QRICH1: variants seen among roughly 807,000 people sequenced by gnomAD.
QRICH1 encodes the protein glutamine rich 1.
Under a neutral mutation model 87.1 loss-of-function variants are expected in QRICH1, and 16 were observed. The ratio of observed to expected loss-of-function variants is 0.18; its 90% CI spans 0.12 to 0.28. QRICH1 has a LOEUF of 0.28. Ranked by LOEUF, QRICH1 falls within the 10% of genes least tolerant of loss-of-function variation. The pLI is 1.00. For missense variants in QRICH1, 647 were observed against 951.7 expected (o/e 0.68, Z 4.21); for synonymous variants, 367 against 368.4 (o/e 1.00, Z 0.05).
At chr3:49,035,504 C>T (rs934154755) in intron 6 of QRICH1, among the ~76,000 whole-genome samples, 1 of 152,116 alleles carries the variant, frequency 6.6e-6, no homozygotes, top group Non-Finnish European at 1.5e-5. Context: ...CTCTTCTCTA[C>T]AATTTGTAAT....
chr3:49,072,087 T>C (rs2041843892), intron 2 of QRICH1, among the ~76,000 whole-genome samples: 1 of 152,034 alleles, frequency 6.6e-6, no homozygotes, highest in Non-Finnish European at 1.5e-5. Flanking sequence ...TCCCAGCACT[T>C]TGGGAGGCCG....
intron 1 of QRICH1, among the ~76,000 whole-genome samples, chr3:49,085,209 T>C (rs2042146117): frequency 6.6e-6 from 1 of 152,106 alleles, no homozygotes; most frequent in Non-Finnish European, 1.5e-5. Flanking sequence ...CACATAATTC[T>C]GGCTGATCAT....
intron 9 of QRICH1, among the ~76,000 whole-genome samples, chr3:49,031,392 G>A (rs1394157437): frequency 6.6e-6 from 1 of 152,040 alleles, no homozygotes; most frequent in African/African-American, 2.4e-5. Context: ...TAAGTACTTG[G>A]CATGCTGTAT....
At chr3:49,071,634 G>A (rs150340310) in intron 2 of QRICH1, among the ~76,000 whole-genome samples, 468 of 152,278 alleles carry the variant, frequency 3.1e-3, no homozygotes, top group African/African-American at 0.01. Context: ...GCGTGGTAAG[G>A]AAGAGGAGGT....
intron 3 of QRICH1, among the ~76,000 whole-genome samples, chr3:49,050,279 C>T (rs546673362): frequency 5.2e-5 from 6 of 116,036 alleles, no homozygotes; most frequent in South Asian, 2.7e-4. Context: ...AAAAATTAGC[C>T]GGGTGTGGTA....
intron 2 of QRICH1, chr3:49,058,107 G>C (rs2093413787): frequency 1.3e-6 from 1 of 776,170 alleles, no homozygotes. Context: ...ACCCCAGAGA[G>C]CAAGCAAGAC....
intron 3 of QRICH1, among the ~76,000 whole-genome samples, chr3:49,049,929 G>A (rs1038694782): frequency 1.3e-5 from 2 of 151,956 alleles, no homozygotes; most frequent in Admixed American, 6.6e-5. Flanking sequence ...TGAGCTGGGC[G>A]CGGTGGCTCA....
chr3:49,092,362 C>A (rs560827347), intron 1 of QRICH1: 1 of 152,106 alleles, frequency 6.6e-6, no homozygotes, highest in African/African-American at 2.4e-5. Flanking sequence ...AAACTGTGCA[C>A]AGATACTTCC....
chr3:49,070,780 G>A (rs889946500), intron 2 of QRICH1, among the ~76,000 whole-genome samples: 1 of 152,118 alleles, frequency 6.6e-6, no homozygotes, highest in African/African-American at 2.4e-5. Context: ...TAGTCACTTA[G>A]GGAAAACATA....
intron 6 of QRICH1, among the ~76,000 whole-genome samples, chr3:49,042,734 G>A (rs984565143): frequency 7.2e-5 from 11 of 151,820 alleles, no homozygotes; most frequent in African/African-American, 2.7e-4. Flanking sequence ...CAACACACCT[G>A]GCTAATTTTT....
chr3:49,047,827 T>G (rs998837403), intron 3 of QRICH1, among the ~76,000 whole-genome samples: 1 of 151,794 alleles, frequency 6.6e-6, no homozygotes, highest in African/African-American at 2.4e-5. Context: ...TACCCCAGAA[T>G]CTCTCTGAGG....
chr3:49,049,221 T>C (rs1253394030), intron 3 of QRICH1, among the ~76,000 whole-genome samples: 1 of 151,538 alleles, frequency 6.6e-6, no homozygotes, highest in African/African-American at 2.4e-5. Flanking sequence ...GTGATTTTAA[T>C]GTCCAGCCAC....
chr3:49,084,224 G>C (rs1173908000), intron 1 of QRICH1, among the ~76,000 whole-genome samples: 1 of 152,022 alleles, frequency 6.6e-6, no homozygotes, highest in East Asian at 1.9e-4. Flanking sequence ...GGGATTACAG[G>C]CATGAGCAAC....
chr3:49,054,541 C>T (rs1312392163), intron 3 of QRICH1, among the ~76,000 whole-genome samples: 1 of 150,014 alleles, frequency 6.7e-6, no homozygotes, highest in Non-Finnish European at 1.5e-5. Context: ...GGGCATGTCC[C>T]TTCTGTCCAT....
intron 3 of QRICH1, among the ~76,000 whole-genome samples, chr3:49,056,342 G>T (rs1307020548): frequency 6.6e-6 from 1 of 152,160 alleles, no homozygotes; most frequent in Admixed American, 6.6e-5. Context: ...TCCCAATGGT[G>T]ATCACTTTTA....
chr3:49,047,835 A>T (rs1464776866), intron 3 of QRICH1, among the ~76,000 whole-genome samples: 2 of 152,022 alleles, frequency 1.3e-5, no homozygotes, highest in Non-Finnish European at 2.9e-5. Flanking sequence ...AATCTCTCTG[A>T]GGGGGAGCCA....
In QRICH1 at chr3:49,057,567, G is replaced by T; in HGVS notation, c.633C>A (p.Ile211=). The T allele has an allele frequency of 6.2e-7, 1 of 1,613,558 alleles. No individual in the cohort carries two copies. Among genetic ancestry groups the T allele is most frequent in the Non-Finnish European group, 8.5e-7 (1 of 1,179,600 alleles). The stretch of plus-strand genomic sequence containing the variant: ...AAAGGGCACCCACGGTCTGGATTTG[G>T]ATCTGCTGACCACCAGCAAGAGACT... The part of the protein sequence containing the change: ...AGQSLAGGQQ[I]QIQTVGALSP... Residue 211 remains isoleucine (I), a synonymous_variant, in exon 3 of 10, where the codon ATC becomes ATA. Transcript: ENST00000395443. The surrounding 1 kb of genome is among the most constrained non-coding windows in gnomAD (Gnocchi z 5.4).
chr3:49,086,003 T>C (rs1452146578), intron 1 of QRICH1, among the ~76,000 whole-genome samples: 1 of 152,022 alleles, frequency 6.6e-6, no homozygotes, highest in Non-Finnish European at 1.5e-5. Context: ...TGAGGATATC[T>C]GAGTGTTCCC....
chr3:49,049,583 C>T (rs950711091), intron 3 of QRICH1, among the ~76,000 whole-genome samples: 2 of 152,042 alleles, frequency 1.3e-5, no homozygotes, highest in Admixed American at 6.5e-5. Context: ...CCACAACCTC[C>T]GCCTCCCAGG....
Sources: allele counts gnomAD v4.1 joint callset (sites outside exome capture counted in the v4.1 genomes callset), GRCh38; gene constraint gnomAD v4.1.1; non-coding constraint Gnocchi (gnomAD v3.1); transcripts MANE v1.5; gene names NCBI Gene and HGNC (gene_info 2026-07-23, HGNC 2026-07-21).